TBX20: variants seen among roughly 807,000 people sequenced by gnomAD.
TBX20 encodes the protein T-box transcription factor 20, also known as T-box transcription factor TBX20.
In TBX20, 8 loss-of-function variants were observed where a neutral mutation model predicts 42.9. That is an observed-to-expected ratio of 0.19 (90% CI 0.11 to 0.34). TBX20 has a LOEUF of 0.34. Ranked by LOEUF, TBX20 falls within the 10% of genes least tolerant of loss-of-function variation. The pLI is 1.00. For synonymous variants in TBX20, 198 were observed against 222.8 expected (o/e 0.89, Z 0.99); for missense variants, 411 against 566.0 (o/e 0.73, Z 2.78).
In TBX20 at chr7:35,249,352, C is replaced by G. The variant is rs1452946677; in HGVS notation, c.381-511G>C. The stretch of plus-strand genomic sequence containing the variant: ...CAAGAGCTAGAGCCACCAAGTTTTG[C>G]CAGCCTCTGCCCCATCCCAACCTCC... On this transcript the variant is annotated intron_variant, in intron 2 of 7. Transcript: ENST00000408931. This position sits in a 1 kb window ranked among gnomAD's most constrained non-coding sequence, Gnocchi z 4.3. Among the ~76,000 whole-genome samples, 1 of 152,196 alleles carries G rather than the reference C, an allele frequency of 6.6e-6. No individual in the cohort carries two copies. Among genetic ancestry groups the G allele is most frequent in the Admixed American group, 6.5e-5 (1 of 15,280 alleles).
At position 35,202,442 on chromosome 7, in the gene TBX20, C is replaced by T. The variant is rs1194051605; in HGVS notation, c.1332G>A (p.Thr444=). The T allele has an allele frequency of 6.9e-6, 10 of 1,446,908 alleles. No individual in the cohort carries two copies. Among genetic ancestry groups the T allele is most frequent in the East Asian group, 6.4e-5 (2 of 31,298 alleles). 89.6% of individuals were successfully genotyped at this position (1,446,908 alleles called of 1,614,324 possible). The change falls in exon 8 of 8, where the codon ACG becomes ACA. Residue 444 remains threonine, a synonymous_variant. Coordinates refer to ENST00000408931, the MANE Select transcript of TBX20 (RefSeq NM_001077653.2). ...ATTTTTAGAAGAGTCATACAAATGG[C>T]GTCATCACAGCAGAGGAATGGCGTA... is the stretch of plus-strand genomic sequence containing the variant. ...QGLRHSSAVM[T]PFV is the part of the protein sequence containing the mutation.
At chr7:35,252,201 C>T (rs892912179) in intron 1 of TBX20, among the ~76,000 whole-genome samples, 1 of 152,074 alleles carries the variant, frequency 6.6e-6, no homozygotes, top group African/African-American at 2.4e-5. Flanking sequence ...TTCAGGGGCC[C>T]CTAAACAGCA....
intron 6 of TBX20, among the ~76,000 whole-genome samples, chr7:35,223,484 G>A (rs1789717784): frequency 6.6e-6 from 1 of 152,156 alleles, no homozygotes; most frequent in Non-Finnish European, 1.5e-5. Context: ...GGAACACATG[G>A]TGTTTACAGA....
chr7:35,222,870 G>A (rs1468921670), intron 6 of TBX20, among the ~76,000 whole-genome samples: 3 of 152,164 alleles, frequency 2.0e-5, no homozygotes, highest in Non-Finnish European at 2.9e-5. Flanking sequence ...AGGAATTGGA[G>A]GGCTCTGAGT....
chr7:35,221,255 C>T (rs1292034465), intron 6 of TBX20, among the ~76,000 whole-genome samples: 1 of 147,422 alleles, frequency 6.8e-6, no homozygotes. Flanking sequence ...ATCTCTATTT[C>T]CTATTATATA....
chr7:35,219,856 C>G (rs1318087704), intron 6 of TBX20, among the ~76,000 whole-genome samples: 1 of 152,196 alleles, frequency 6.6e-6, no homozygotes, highest in East Asian at 1.9e-4. Context: ...ATAGAGTACA[C>G]TTGAGCTCTG....
intron 6 of TBX20, among the ~76,000 whole-genome samples, chr7:35,223,723 G>A (rs183328944): frequency 2.0e-5 from 3 of 152,300 alleles, no homozygotes; most frequent in Admixed American, 6.5e-5. Flanking sequence ...GGACTAGAGG[G>A]TAGTGGGGAT....
chr7:35,215,445 G>T (rs1789568176), intron 6 of TBX20, among the ~76,000 whole-genome samples: 1 of 152,156 alleles, frequency 6.6e-6, no homozygotes, highest in African/African-American at 2.4e-5. Flanking sequence ...AGCCCACTGT[G>T]AGAATTTCTA....
chr7:35,225,851 A>G (rs913552523), intron 6 of TBX20, among the ~76,000 whole-genome samples: 5 of 152,224 alleles, frequency 3.3e-5, no homozygotes, highest in African/African-American at 1.2e-4. Flanking sequence ...TAAAATGACA[A>G]GTAAAAACGA....
At position 35,227,481 on chromosome 7, in the gene TBX20, G is replaced by A. The variant is rs553750986; in HGVS notation, c.890+4023C>T. ...TGTCTTTTTACTGTGCCTTTTTAATGTTTAGGTACATAAATACCTACCCTT... is the reference window on the plus strand; with the variant it reads ...TGTCTTTTTACTGTGCCTTTTTAATATTTAGGTACATAAATACCTACCCTT... On this transcript the variant is annotated intron_variant, in intron 6 of 7. Coordinates refer to ENST00000408931, the MANE Select transcript of TBX20 (RefSeq NM_001077653.2). Among the ~76,000 whole-genome samples the A allele has an allele frequency of 3.9e-5, 6 of 152,086 alleles. No individual in the cohort carries two copies. The East Asian group carries it at 7.7e-4, about 20-fold the overall frequency.
In TBX20 at chr7:35,253,027, T is replaced by C. The variant is rs190308425; in HGVS notation, c.127+467A>G. ...TGTAGGGAGAACTGGCTTATTCTGC[T>C]TTACAGTGGTTTCAAAGAGCTTGCT... On this transcript the variant is annotated intron_variant, in intron 1 of 7. Coordinates refer to ENST00000408931, the MANE Select transcript of TBX20 (RefSeq NM_001077653.2). Among the ~76,000 whole-genome samples the C allele has an allele frequency of 3.3e-5, 5 of 152,276 alleles. No individual in the cohort carries two copies. In the East Asian group the frequency reaches 9.7e-4, roughly 29 times the overall value.
chr7:35,207,324 T>C (rs764416127), intron 6 of TBX20, among the ~76,000 whole-genome samples: 21 of 152,218 alleles, frequency 1.4e-4, no homozygotes, highest in Admixed American at 9.2e-4. Context: ...TAATAATCTG[T>C]TTAAAAAATT....
intron 2 of TBX20, 75 bp from the exon 3 acceptor site, chr7:35,248,916 A>C: frequency 6.3e-7 from 1 of 1,575,880 alleles, no homozygotes; most frequent in Non-Finnish European, 8.7e-7. Flanking sequence ...GAAGAGAGGA[A>C]GGGAGGGAGG....
At chr7:35,248,537 C>T (rs1018355778) in intron 3 of TBX20, 140 bp downstream of exon 3, 1 of 886,794 alleles carries the variant, frequency 1.1e-6, no homozygotes, top group Non-Finnish European at 1.9e-6. Flanking sequence ...TGTAGTCAAT[C>T]CTGGAGTGTC....
At chr7:35,234,649 T>C (rs1401000203) in intron 5 of TBX20, among the ~76,000 whole-genome samples, 1 of 151,936 alleles carries the variant, frequency 6.6e-6, no homozygotes, top group Non-Finnish European at 1.5e-5. Flanking sequence ...GTACAGGTGC[T>C]CTTATACACC....
At chr7:35,233,135 C>T (rs1232202512) in intron 5 of TBX20, among the ~76,000 whole-genome samples, 1 of 152,176 alleles carries the variant, frequency 6.6e-6, no homozygotes, top group Non-Finnish European at 1.5e-5. Context: ...TTTTTCATTT[C>T]AAAAGAAATG....
At chr7:35,246,002 T>C (rs377348133) in intron 3 of TBX20, among the ~76,000 whole-genome samples, 1 of 152,212 alleles carries the variant, frequency 6.6e-6, no homozygotes, top group Admixed American at 6.5e-5. Context: ...CTAAATTTTA[T>C]ATAGGATCCT....
At chr7:35,219,433 CAT>C (rs1465806916) in intron 6 of TBX20, among the ~76,000 whole-genome samples, 3 of 152,180 alleles carry the variant, frequency 2.0e-5, no homozygotes, top group Non-Finnish European at 4.4e-5. Flanking sequence ...ATTATTTTCA[CAT>C]GTCAGGAAAT....
intron 5 of TBX20, among the ~76,000 whole-genome samples, chr7:35,233,912 G>A (rs1351532274): frequency 6.6e-6 from 1 of 152,226 alleles, no homozygotes; most frequent in Non-Finnish European, 1.5e-5. Context: ...GCTGGAACTG[G>A]CTCTAAATGA....
Sources: allele counts gnomAD v4.1 joint callset (sites outside exome capture counted in the v4.1 genomes callset), GRCh38; gene constraint gnomAD v4.1.1; non-coding constraint Gnocchi (gnomAD v3.1); transcripts MANE v1.5; gene names NCBI Gene and HGNC (gene_info 2026-07-23, HGNC 2026-07-21).